The following SLC35F4 variants were observed in gnomAD, a reference collection of about 807,000 sequenced individuals.
The protein encoded by SLC35F4 is chromosome 14 open reading frame 36.
A neutral mutation model predicts 44.2 loss-of-function variants in SLC35F4; 24 were observed. The observed-to-expected ratio is 0.54, with a 90% CI of 0.39 to 0.76. The LOEUF is 0.76. Ranked by LOEUF, SLC35F4 falls within the 30% of genes least tolerant of loss-of-function variation. The probability of loss-of-function intolerance (pLI) is 0.00; values close to 1 mark genes in which losing one functional copy is unlikely to be tolerated. For missense variants in SLC35F4, 562 were observed against 586.1 expected (o/e 0.96, Z 0.42); for synonymous variants, 238 against 223.6 (o/e 1.06, Z -0.57).
At chr14:57,568,499 C>G (rs1182185606) in intron 6 of SLC35F4, among the ~76,000 whole-genome samples, 2 of 152,146 alleles carry the variant, frequency 1.3e-5, no homozygotes, top group Non-Finnish European at 2.9e-5. Flanking sequence ...TTGATTTCTA[C>G]TCAGCTTAGC....
upstream of SLC35F4, among the ~76,000 whole-genome samples, chr14:57,982,744 T>G (rs1881420635): frequency 6.6e-6 from 1 of 152,178 alleles, no homozygotes; most frequent in African/African-American, 2.4e-5. Context: ...CTTTAAGTTC[T>G]GGGATACATG....
intron 1 of SLC35F4, among the ~76,000 whole-genome samples, chr14:57,602,187 A>C (rs188733589): frequency 1.3e-5 from 2 of 152,094 alleles, no homozygotes; most frequent in Admixed American, 1.3e-4. Context: ...AAAATGCTTC[A>C]TAGAGGACAA....
intron 1 of SLC35F4, among the ~76,000 whole-genome samples, chr14:57,884,922 A>G (rs1305568079): frequency 2.6e-5 from 4 of 152,204 alleles, no homozygotes; most frequent in Non-Finnish European, 5.9e-5. Flanking sequence ...TGTGATAAGG[A>G]TATCATAAAC....
chr14:57,982,704 A>C (rs959899094), upstream of SLC35F4, among the ~76,000 whole-genome samples: 1 of 152,152 alleles, frequency 6.6e-6, no homozygotes, highest in African/African-American at 2.4e-5. Flanking sequence ...TCTAAAAAAA[A>C]TCTTTTTTCT....
intron 1 of SLC35F4, among the ~76,000 whole-genome samples, chr14:57,764,460 CTTAG>C (rs1390700141): frequency 1.3e-5 from 2 of 152,192 alleles, no homozygotes; most frequent in Non-Finnish European, 2.9e-5. Context: ...ACATTCACAG[CTTAG>C]TTACAGTGAT....
chr14:57,841,035 ATCCCCATGGAGC>A (rs1280981203), intron 1 of SLC35F4, among the ~76,000 whole-genome samples: 1 of 152,202 alleles, frequency 6.6e-6, no homozygotes, highest in African/African-American at 2.4e-5. Flanking sequence ...CAAGCCCCTT[ATCCCCATGGAGC>A]TCATCTACAG....
intron 1 of SLC35F4, among the ~76,000 whole-genome samples, chr14:57,613,028 G>A (rs1424978639): frequency 1.3e-5 from 2 of 152,206 alleles, no homozygotes; most frequent in Non-Finnish European, 2.9e-5. Context: ...TCTTTCATGA[G>A]CACTGCATGC....
intron 5 of SLC35F4, 100 bp downstream of exon 5, chr14:57,571,794 A>G (rs1594891578): frequency 1.4e-6 from 2 of 1,428,986 alleles, no homozygotes; most frequent in Non-Finnish European, 1.9e-6. Context: ...CAACACATCT[A>G]TTTTCTTTCT....
intron 1 of SLC35F4, among the ~76,000 whole-genome samples, chr14:57,698,338 T>A (rs10141518): frequency 6.6e-6 from 1 of 152,116 alleles, no homozygotes; most frequent in African/African-American, 2.4e-5. Context: ...TCCCTTAGGA[T>A]GAATTCATAC....
At chr14:57,822,528 G>C (rs1566882278) in intron 1 of SLC35F4, among the ~76,000 whole-genome samples, 2 of 152,056 alleles carry the variant, frequency 1.3e-5, no homozygotes, top group Non-Finnish European at 2.9e-5. Flanking sequence ...CAGTTCTTAA[G>C]TTTTATTTTC....
At chr14:57,928,491 G>C (rs77158762) in intron 1 of SLC35F4, among the ~76,000 whole-genome samples, 1 of 152,150 alleles carries the variant, frequency 6.6e-6, no homozygotes, top group Admixed American at 6.5e-5. Context: ...CTTTTTCCTC[G>C]GGCATTAACT....
chr14:57,819,993 G>T (rs969758797), intron 1 of SLC35F4, among the ~76,000 whole-genome samples: 1 of 151,982 alleles, frequency 6.6e-6, no homozygotes, highest in African/African-American at 2.4e-5. Context: ...ACATGAGAGG[G>T]GTGGAATTGA....
chr14:57,981,792 G>T (rs1389769441), intron 1 of SLC35F4: 1 of 152,004 alleles, frequency 6.6e-6, no homozygotes, highest in Non-Finnish European at 1.5e-5. Flanking sequence ...TAATAAACTT[G>T]TTACCAAATT....
At chr14:57,978,031 T>C (rs546947053) in intron 1 of SLC35F4, among the ~76,000 whole-genome samples, 2 of 152,140 alleles carry the variant, frequency 1.3e-5, no homozygotes, top group Non-Finnish European at 2.9e-5. Flanking sequence ...AGAAAGGGCA[T>C]GTGAATAAAC....
chr14:57,889,225 A>G (rs1002435440), intron 1 of SLC35F4, among the ~76,000 whole-genome samples: 1 of 152,252 alleles, frequency 6.6e-6, no homozygotes, highest in African/African-American at 2.4e-5. Flanking sequence ...GTGGGTAACC[A>G]GGAAGGATCA....
chr14:57,698,356 A>G (rs10129283), intron 1 of SLC35F4, among the ~76,000 whole-genome samples: 67,420 of 151,750 alleles, frequency 0.44, 15,196 homozygotes, highest in African/African-American at 0.53. Flanking sequence ...TACAAGTGCA[A>G]TTGCTATTTT....
At chr14:57,824,710 T>C (rs1274524061) in intron 1 of SLC35F4, among the ~76,000 whole-genome samples, 3 of 152,098 alleles carry the variant, frequency 2.0e-5, no homozygotes, top group African/African-American at 7.2e-5. Context: ...TTCTGAACTT[T>C]GAAAGTCTGA....
upstream of SLC35F4, among the ~76,000 whole-genome samples, chr14:57,982,907 T>A (rs934979188): frequency 2.0e-5 from 3 of 152,100 alleles, no homozygotes; most frequent in Non-Finnish European, 4.4e-5. Context: ...AATCAGCTCC[T>A]CTCTCTCCAT....
intron 3 of SLC35F4, among the ~76,000 whole-genome samples, chr14:57,582,584 C>A (rs891104939): frequency 6.6e-6 from 1 of 152,170 alleles, no homozygotes; most frequent in Non-Finnish European, 1.5e-5. Context: ...TGTACCTATA[C>A]GACTATGGAC....
Sources: gnomAD v4.1 joint callset for allele counts (sites outside exome capture counted in the v4.1 genomes callset) on GRCh38, gnomAD v4.1.1 for gene constraint, MANE v1.5 for transcripts, NCBI Gene and HGNC (gene_info 2026-07-23, HGNC 2026-07-21) for gene names.